Variants in SLC2A1 observed in about 807,000 individuals in gnomAD.
The protein encoded by SLC2A1 is solute carrier family 2, facilitated glucose transporter member 1.
Under a neutral mutation model 46.6 loss-of-function variants are expected in SLC2A1, and 4 were observed. The observed-to-expected ratio is 0.09, with a 90% CI of 0.04 to 0.20. SLC2A1 has a LOEUF of 0.20. Ranked by LOEUF, SLC2A1 falls within the 10% of genes least tolerant of loss-of-function variation. SLC2A1 has a pLI of 1.00. For missense variants in SLC2A1, 352 were observed against 667.0 expected, an observed-to-expected ratio of 0.53 and a Z score of 5.20; for synonymous variants, 253 against 270.0, an observed-to-expected ratio of 0.94 and a Z score of 0.62.
chr1:42,946,685 G>A (rs1480812305), intron 1 of SLC2A1, among the ~76,000 whole-genome samples: 1 of 146,446 alleles, frequency 6.8e-6, no homozygotes, highest in Non-Finnish European at 1.5e-5. Flanking sequence ...AGAAGAAATG[G>A]GGACCAGTCA....
chr1:42,929,542 T>A lies in SLC2A1; in HGVS notation c.867+51A>T. 2 of 1,550,780 alleles carry A rather than the reference T, an allele frequency of 1.3e-6. No individual in the cohort carries two copies. Among genetic ancestry groups the A allele is most frequent in the Non-Finnish European group, 1.8e-6 (2 of 1,126,230 alleles). ...TTTGGGACTTGTTCACCATGCACACTTGACCAGAGGGCTTGGCTGGGGCAC... is the reference window on the plus strand; with the variant it reads ...TTTGGGACTTGTTCACCATGCACACATGACCAGAGGGCTTGGCTGGGGCAC... On this transcript the variant is annotated intron_variant, in intron 6 of 9. Coordinates refer to ENST00000426263, the MANE Select transcript of SLC2A1 (RefSeq NM_006516.4). The surrounding 1 kb of genome is among the most constrained non-coding windows in gnomAD (Gnocchi z 6.0).
intron 2 of SLC2A1, among the ~76,000 whole-genome samples, chr1:42,939,905 A>AG (rs1643578704): frequency 6.7e-6 from 1 of 149,646 alleles, no homozygotes; most frequent in African/African-American, 2.5e-5. Context: ...GTGAGCCAAG[A>AG]TCATGCCACT....
chr1:42,958,658 G>T lies in SLC2A1; in HGVS notation c.-7C>A, dbSNP rs1206676739. The T allele has an allele frequency of 6.5e-7, 1 of 1,535,056 alleles. No individual in the cohort carries two copies. The highest frequency in any genetic ancestry group is 1.2e-5 in the South Asian group (1 of 83,582). On this transcript the variant is annotated 5_prime_UTR_variant, in exon 1 of 10. Transcript: ENST00000426263. ...CCTTGCTGCTGGGCTCCATGGCAGCGCTGCGCTGGTGGCTCTGGCTGCGCC... is the reference window on the plus strand; with the variant it reads ...CCTTGCTGCTGGGCTCCATGGCAGCTCTGCGCTGGTGGCTCTGGCTGCGCC...
At position 42,929,190 on chromosome 1, in the gene SLC2A1, G is replaced by C. The variant is rs781545555; in HGVS notation, c.972+20C>G. 96 of 1,603,840 alleles carry C rather than the reference G, an allele frequency of 6.0e-5. No homozygotes were observed. The highest frequency in any genetic ancestry group is 8.2e-5 in the Non-Finnish European group (96 of 1,170,768). ...TCCTCCCTGGGGTTTGGCTGGGGGG[G>C]CCAGTAAGCAAAGACTCACCGACAC... On this transcript the variant is annotated intron_variant, in intron 7 of 9. Coordinates refer to ENST00000426263, the MANE Select transcript of SLC2A1 (RefSeq NM_006516.4). The surrounding 1 kb of genome is among the most constrained non-coding windows in gnomAD (Gnocchi z 6.0).
Position 42,929,334 on chromosome 1 carries a change from G to A in SLC2A1, c.868-20C>T, listed in dbSNP as rs2124448438. 1 of 1,584,080 alleles carries A rather than the reference G, an allele frequency of 6.3e-7. No homozygotes were observed. The highest frequency in any genetic ancestry group is 1.3e-5 in the African/African-American group (1 of 74,196). On this transcript the variant is annotated intron_variant, in intron 6 of 9. Coordinates refer to ENST00000426263, the MANE Select transcript of SLC2A1 (RefSeq NM_006516.4). This position sits in a 1 kb window ranked among gnomAD's most constrained non-coding sequence, Gnocchi z 6.0. ...GAAGACCTGCCAGACAAGAGAAACT[G>A]TTGGGGCCTACCTGGACATTGTGGC...
At chr1:42,949,818 G>C (rs556327676) in intron 1 of SLC2A1, among the ~76,000 whole-genome samples, 4 of 152,042 alleles carry the variant, frequency 2.6e-5, no homozygotes, top group Admixed American at 2.0e-4. Context: ...CAGAACCAGG[G>C]GACTCTAGGC....
At chr1:42,940,720 T>C (rs184168847) in intron 2 of SLC2A1, among the ~76,000 whole-genome samples, 1 of 152,172 alleles carries the variant, frequency 6.6e-6, no homozygotes, top group Admixed American at 6.5e-5. Context: ...AGTGCTGGGA[T>C]TACAGCGTGA....
rs1557645879 is a variant in SLC2A1 at position 42,929,648 on chromosome 1, G to A, written c.812C>T (p.Pro271Leu). The A allele has an allele frequency of 6.2e-7, 1 of 1,613,832 alleles. No homozygotes were observed. Among genetic ancestry groups the A allele is most frequent in the Non-Finnish European group, 8.5e-7 (1 of 1,180,010 alleles). The change falls in exon 6 of 10, where the codon CCC becomes CTC. Residue 271 changes from proline to leucine, a missense_variant. By Grantham distance (98) the Pro-to-Leu change is moderately conservative. Transcript: ENST00000426263. This position sits in a 1 kb window ranked among gnomAD's most constrained non-coding sequence, Gnocchi z 6.0. ...ELFRSPAYRQ[P>L]ILIAVVLQLS... ...CTGCAGCACCACAGCGATGAGGATG[G>A]GCTGGCGGTAGGCGGGGGAGCGGAA...
rs575606507 is a variant in SLC2A1 at position 42,942,440 on chromosome 1, T to G, written c.114+786A>C. On this transcript the variant is annotated intron_variant, in intron 2 of 9. Coordinates refer to ENST00000426263, the MANE Select transcript of SLC2A1 (RefSeq NM_006516.4). The stretch of plus-strand genomic sequence containing the variant: ...CCCCCTTTTCCTCTTCTCTCCTCCT[T>G]AATGCAAGTAGGCTGGGCTGGAGGA... Among the ~76,000 whole-genome samples, 9 of 151,736 alleles carry G rather than the reference T, an allele frequency of 5.9e-5. 1 individual carries two copies. In the East Asian group the frequency reaches 1.7e-3, roughly 29 times the overall value.
Position 42,956,407 on chromosome 1 carries a change from C to CAAAAAAAAAAA in SLC2A1, c.18+2216_18+2226dup, listed in dbSNP as rs71577684. Among the ~76,000 whole-genome samples, 45 of 44,522 alleles carry CAAAAAAAAAAA rather than the reference C, an allele frequency of 1.0e-3. 3 individuals carry two copies. Among genetic ancestry groups the CAAAAAAAAAAA allele is most frequent in the African/African-American group, 4.5e-3 (43 of 9,484 alleles). 29.2% of individuals were successfully genotyped at this position (44,522 alleles called of 152,430 possible). ...AGAAACCCCGTCTCTACTAAAACTA[C>CAAAAAAAAAAA]AAAAAAAAAAAAAAAAAAAAAAAAA... On this transcript the variant is annotated intron_variant, in intron 1 of 9. Transcript: ENST00000426263.
At chr1:42,935,141 G>A (rs141082496) in intron 2 of SLC2A1, among the ~76,000 whole-genome samples, 11 of 152,242 alleles carry the variant, frequency 7.2e-5, no homozygotes, top group East Asian at 1.9e-4. Context: ...CCATGGTGTC[G>A]GCCAGCCTAG....
In SLC2A1 at chr1:42,928,953, C is replaced by A; in HGVS notation, c.1053G>T (p.Met351Ile). Residue 351 changes from methionine to isoleucine, a missense_variant, in exon 8 of 10, where the codon ATG becomes ATT. By Grantham distance (10) the Met-to-Ile change is conservative (BLOSUM62 1). Coordinates refer to ENST00000426263, the MANE Select transcript of SLC2A1 (RefSeq NM_006516.4). ...TCACCAGCAGTGCTAGCGCGATGGT[C>A]ATGAGTATGGCACAACCCGCCATGC... ...LAGMAGCAIL[M>I]TIALALLEQL... 1 of 1,614,014 alleles carries A rather than the reference C, an allele frequency of 6.2e-7. No homozygotes were observed. The highest frequency in any genetic ancestry group is 1.1e-5 in the South Asian group (1 of 91,060).
At chr1:42,953,608 C>T (rs1200835504) in intron 1 of SLC2A1, among the ~76,000 whole-genome samples, 1 of 152,226 alleles carries the variant, frequency 6.6e-6, no homozygotes, top group Non-Finnish European at 1.5e-5. Context: ...GGCCCCAAGC[C>T]AACACTGCAC....
In SLC2A1 at chr1:42,930,382, G is replaced by A; in HGVS notation, c.516+244C>T. ...CATAACAGCCTGCGGCATGTTGGGG[G>A]AAGGCGGGCCCTGTGGTTGGAAGCC... On this transcript the variant is annotated intron_variant, in intron 4 of 9. Transcript: ENST00000426263. The surrounding 1 kb of genome is among the most constrained non-coding windows in gnomAD (Gnocchi z 6.2). 1.4e-6 allele frequency: 1 copy of A among 693,562 alleles called. No homozygotes were observed. Among genetic ancestry groups the A allele is most frequent in the Non-Finnish European group, 2.6e-6 (1 of 380,872 alleles). The allele number at this position is 693,562 out of a possible 1,614,324, so 43.0% of individuals were successfully genotyped here.
intron 1 of SLC2A1, among the ~76,000 whole-genome samples, chr1:42,949,354 G>A (rs1031220533): frequency 6.6e-6 from 1 of 152,200 alleles, no homozygotes; most frequent in Non-Finnish European, 1.5e-5. Context: ...TGAGGTCAGA[G>A]GGCAGGTGCC....
At chr1:42,952,147 GT>G (rs1643727907) in intron 1 of SLC2A1, 2 of 533,118 alleles carry the variant, frequency 3.8e-6, no homozygotes, top group Admixed American at 6.6e-5. Context: ...AGGGATATGT[GT>G]CTCAGGCTGT....
At chr1:42,946,408 A>G (rs550267616) in intron 1 of SLC2A1, among the ~76,000 whole-genome samples, 1 of 152,276 alleles carries the variant, frequency 6.6e-6, no homozygotes, top group South Asian at 2.1e-4. Flanking sequence ...GACACCAAGG[A>G]AGGAGTTTCC....
At chr1:42,933,657 G>A (rs570166232) in intron 2 of SLC2A1, among the ~76,000 whole-genome samples, 21 of 152,228 alleles carry the variant, frequency 1.4e-4, no homozygotes, top group African/African-American at 3.6e-4. Flanking sequence ...GGTTGGGAAC[G>A]GTAATGCCCC....
intron 2 of SLC2A1, among the ~76,000 whole-genome samples, chr1:42,932,985 A>G (rs1169342831): frequency 1.3e-5 from 2 of 152,206 alleles, no homozygotes; most frequent in Non-Finnish European, 2.9e-5. Flanking sequence ...CTGAACTCTG[A>G]TTCTGGACAC....
Sources: allele counts gnomAD v4.1 joint callset (sites outside exome capture counted in the v4.1 genomes callset), GRCh38; gene constraint gnomAD v4.1.1; non-coding constraint Gnocchi (gnomAD v3.1); transcripts MANE v1.5; gene names NCBI Gene and HGNC (gene_info 2026-07-23, HGNC 2026-07-21).